Variants in IGF2BP3 observed in about 807,000 individuals in gnomAD.
The protein encoded by IGF2BP3 is insulin-like growth factor 2 mRNA-binding protein 3.
Under a neutral mutation model 73.8 loss-of-function variants are expected in IGF2BP3, and 9 were observed. That is an observed-to-expected ratio of 0.12 (90% CI 0.07 to 0.21). The LOEUF is 0.21. Ranked by LOEUF, IGF2BP3 falls within the 10% of genes least tolerant of loss-of-function variation. The pLI is 1.00. For synonymous variants in IGF2BP3, 258 were observed against 256.7 expected, an observed-to-expected ratio of 1.01 and a Z score of -0.05; for missense variants, 542 against 714.0, an observed-to-expected ratio of 0.76 and a Z score of 2.75.
chr7:23,313,762 C>A, intron 12 of IGF2BP3, 109 bp from the exon 13 acceptor site: 1 of 968,122 alleles, frequency 1.0e-6, no homozygotes, highest in Non-Finnish European at 1.5e-6. Flanking sequence ...TGCAGTGATA[C>A]ATCTACATTT....
intron 2 of IGF2BP3, among the ~76,000 whole-genome samples, chr7:23,440,945 T>C (rs926585977): frequency 6.6e-6 from 1 of 152,226 alleles, no homozygotes; most frequent in Non-Finnish European, 1.5e-5. Flanking sequence ...TCAGACATCA[T>C]TTAAATAGTT....
intron 10 of IGF2BP3, among the ~76,000 whole-genome samples, chr7:23,324,449 A>T (rs1401400817): frequency 5.5e-5 from 8 of 144,152 alleles, no homozygotes; most frequent in African/African-American, 2.1e-4. Context: ...AACCAAAAAG[A>T]GTCCAGGACC....
intron 2 of IGF2BP3, among the ~76,000 whole-genome samples, chr7:23,459,516 G>C (rs909640976): frequency 6.6e-6 from 1 of 152,070 alleles, no homozygotes; most frequent in Admixed American, 6.6e-5. Context: ...GTCAAATCAC[G>C]CATTTAGACC....
intron 10 of IGF2BP3, among the ~76,000 whole-genome samples, chr7:23,335,617 A>C (rs191778976): frequency 6.6e-6 from 1 of 152,198 alleles, no homozygotes; most frequent in East Asian, 1.9e-4. Context: ...AAAAAGTGCT[A>C]ATCTCTCTTG....
intron 2 of IGF2BP3, among the ~76,000 whole-genome samples, chr7:23,433,543 C>G (rs1386081682): frequency 6.7e-6 from 1 of 150,328 alleles, no homozygotes; most frequent in Non-Finnish European, 1.5e-5. Context: ...TGTAGTGGCA[C>G]GACCATAGCT....
intron 3 of IGF2BP3, among the ~76,000 whole-genome samples, chr7:23,411,092 A>G (rs1412765394): frequency 2.0e-5 from 3 of 152,170 alleles, no homozygotes; most frequent in African/African-American, 7.2e-5. Context: ...TTTATCTGCT[A>G]TTTATTTAGA....
At position 23,345,947 on chromosome 7, in the gene IGF2BP3, T is replaced by C. The variant is rs185559134; in HGVS notation, c.934A>G (p.Ile312Val). 2.5e-6 allele frequency: 4 copies of C among 1,612,238 alleles called. No homozygotes were observed. Among genetic ancestry groups the C allele is most frequent in the African/African-American group, 2.7e-5 (2 of 74,892 alleles). ...IEQDTDTKIT[I>V]SPLQELTLYN... is the part of the protein sequence containing the mutation. ...AAGCAAAGGAGCACTCACGGAGATA[T>C]CGTGATTTTAGTGTCTGTGTCTTGC... Residue 312 changes from isoleucine (I) to valine (V), a missense_variant, in exon 8 of 15, where the codon ATA (isoleucine) becomes GTA (valine). Physicochemically the swap from Ile to Val is conservative, Grantham distance 29 (BLOSUM62 3). Transcript: ENST00000258729.
chr7:23,462,739 A>G (rs1406011829), intron 2 of IGF2BP3, among the ~76,000 whole-genome samples: 1 of 152,238 alleles, frequency 6.6e-6, no homozygotes, highest in Non-Finnish European at 1.5e-5. Context: ...TAAAATATCT[A>G]TAGTTTATGT....
chr7:23,312,490 C>T (rs62468194), intron 14 of IGF2BP3, 30 bp from the exon 15 acceptor site: 7 of 1,477,494 alleles, frequency 4.7e-6, no homozygotes, highest in Non-Finnish European at 5.7e-6. Flanking sequence ...TGAAATTCCA[C>T]TTGATCAAAA....
At position 23,369,715 on chromosome 7, in the gene IGF2BP3, C is replaced by G. The variant is rs1583947661; in HGVS notation, c.286-7974G>C. Among the ~76,000 whole-genome samples the G allele has an allele frequency of 2.0e-5, 3 of 152,064 alleles. No individual in the cohort carries two copies. In the East Asian group the frequency reaches 5.8e-4, roughly 29 times the overall value. ...AGTTTATTGACACATATAGAGATCACTGCAATAAAGACAGTTTAAAAAACT... is the reference window on the plus strand; with the variant it reads ...AGTTTATTGACACATATAGAGATCAGTGCAATAAAGACAGTTTAAAAAACT... On this transcript the variant is annotated intron_variant, in intron 3 of 14. Transcript: ENST00000258729.
At chr7:23,351,200 CT>C in intron 6 of IGF2BP3, 104 bp downstream of exon 6, 1 of 1,266,260 alleles carries the variant, frequency 7.9e-7, no homozygotes, top group Non-Finnish European at 1.1e-6. Context: ...ACAAGGAGTC[CT>C]CATGGCTGTG....
chr7:23,347,554 G>T, intron 7 of IGF2BP3, 46 bp downstream of exon 7: 1 of 1,585,976 alleles, frequency 6.3e-7, no homozygotes, highest in South Asian at 1.1e-5. Context: ...AAAAATACAA[G>T]AGCACAAATA....
chr7:23,460,073 T>C (rs1368291629), intron 2 of IGF2BP3, among the ~76,000 whole-genome samples: 1 of 127,490 alleles, frequency 7.8e-6, no homozygotes, highest in Non-Finnish European at 1.6e-5. Flanking sequence ...TACTAAAAAT[T>C]AAAAAAAAAA....
chr7:23,321,370 T>TA (rs1784143629), intron 10 of IGF2BP3, among the ~76,000 whole-genome samples: 1 of 149,454 alleles, frequency 6.7e-6, no homozygotes, highest in African/African-American at 2.4e-5. Context: ...CCGACGGGCT[T>TA]AAAAAACGGC....
At chr7:23,432,535 C>A (rs920977987) in intron 2 of IGF2BP3, among the ~76,000 whole-genome samples, 11 of 151,038 alleles carry the variant, frequency 7.3e-5, no homozygotes, top group East Asian at 1.9e-4. Context: ...AACAAACAAA[C>A]AAAAAAAACA....
chr7:23,321,231 G>C (rs1046680205), intron 10 of IGF2BP3, among the ~76,000 whole-genome samples: 2 of 152,188 alleles, frequency 1.3e-5, no homozygotes, highest in African/African-American at 2.4e-5. Flanking sequence ...TGGGTGAGCC[G>C]AAGCAGGGCG....
chr7:23,354,776 A>G (rs530403259), intron 5 of IGF2BP3, among the ~76,000 whole-genome samples: 18 of 152,330 alleles, frequency 1.2e-4, no homozygotes, highest in African/African-American at 3.8e-4. Flanking sequence ...CTGGGCCCCA[A>G]TGGCTCCAAA....
At chr7:23,467,411 C>A (rs1338549668) in intron 2 of IGF2BP3, among the ~76,000 whole-genome samples, 1 of 152,166 alleles carries the variant, frequency 6.6e-6, no homozygotes, top group Non-Finnish European at 1.5e-5. Context: ...TAACTTTCAG[C>A]TTATTATTTG....
chr7:23,454,599 C>A (rs773218982), intron 2 of IGF2BP3, among the ~76,000 whole-genome samples: 1 of 152,124 alleles, frequency 6.6e-6, no homozygotes, highest in Non-Finnish European at 1.5e-5. Context: ...GGTCTTATTA[C>A]CCTCATTTAC....
Sources: gnomAD v4.1 joint callset for allele counts (sites outside exome capture counted in the v4.1 genomes callset) on GRCh38, gnomAD v4.1.1 for gene constraint, MANE v1.5 for transcripts, NCBI Gene and HGNC (gene_info 2026-07-23, HGNC 2026-07-21) for gene names.